The following CACNA1G variants were observed in gnomAD, a reference collection of about 807,000 sequenced individuals.
CACNA1G encodes the protein calcium voltage-gated channel subunit alpha1 G.
Under a neutral mutation model 219.4 loss-of-function variants are expected in CACNA1G, and 67 were observed. The ratio of observed to expected loss-of-function variants is 0.31; its 90% CI spans 0.25 to 0.37. The LOEUF (loss-of-function observed/expected upper bound fraction) is 0.37, where lower values mean the gene tolerates loss of function less well. CACNA1G is among the 10% of genes least tolerant of loss of function. The pLI, the probability that CACNA1G is intolerant of heterozygous loss-of-function variation, is 1.00. For missense variants in CACNA1G, 2,380 were observed against 3,231.4 expected, an observed-to-expected ratio of 0.74 and a Z score of 6.39; for synonymous variants, 1,296 against 1,345.3, an observed-to-expected ratio of 0.96 and a Z score of 0.80.
chr17:50,609,286 A>T (rs920659628), intron 25 of CACNA1G, among the ~76,000 whole-genome samples: 7 of 152,024 alleles, frequency 4.6e-5, no homozygotes, highest in Non-Finnish European at 1.0e-4. Flanking sequence ...CTGCTCCAGG[A>T]TGTGGGGGAG....
At chr17:50,607,095 G>A in intron 24 of CACNA1G, 106 bp downstream of exon 24, 1 of 882,696 alleles carries the variant, frequency 1.1e-6, no homozygotes, top group Non-Finnish European at 1.9e-6. Context: ...CATGAAAGAA[G>A]CATCATATTT....
At chr17:50,595,484 C>G (rs1043831993) in intron 14 of CACNA1G, among the ~76,000 whole-genome samples, 1 of 152,282 alleles carries the variant, frequency 6.6e-6, no homozygotes, top group African/African-American at 2.4e-5. Flanking sequence ...CCCTTCACCC[C>G]TTGCCCCAGG....
In CACNA1G at chr17:50,618,990, T is replaced by C. The variant is rs1404581971; in HGVS notation, c.5763T>C (p.Phe1921=). 2.0e-6 allele frequency: 3 copies of C among 1,532,870 alleles called. No homozygotes were observed. In the South Asian group the frequency reaches 3.8e-5, roughly 20 times the overall value. The allele number at this position is 1,532,870 out of a possible 1,614,324, so 95.0% of individuals were successfully genotyped here. Residue 1921 remains phenylalanine, a synonymous_variant, in exon 33 of 38, where the codon TTT becomes TTC. Transcript: ENST00000359106. This position sits in a 1 kb window ranked among gnomAD's most constrained non-coding sequence, Gnocchi z 5.3. ...PAAHARSASH[F]SLEHPTDRQL... ...CCCACGCGAGATCAGCCTCCCACTT[T>C]TCCCTGGAGCACCCCACGGTGAGCA...
chr17:50,599,428 C>A lies in CACNA1G; in HGVS notation c.3259C>A (p.Pro1087Thr). ...PGAAHEMKSPPSARSSPHSPW... is the reference protein window; with the variant it reads ...PGAAHEMKSPTSARSSPHSPW... ...CCACTCCTCCCCTGCTCACCCACAGCCCAGCGCCCGCAGCTCTCCGCACAG... is the reference window on the plus strand; with the variant it reads ...CCACTCCTCCCCTGCTCACCCACAGACCAGCGCCCGCAGCTCTCCGCACAG... The change falls in exon 17 of 38, where the codon CCC becomes ACC. Residue 1087 changes from proline (P) to threonine (T), a missense_variant and splice_region_variant. Around this residue, in one of 17 missense-constraint regions of CACNA1G, gnomAD observed 418 missense variants for 434.3 expected, o/e 0.96. Transcript: ENST00000359106. 2 of 1,540,862 alleles carry A rather than the reference C, an allele frequency of 1.3e-6. No individual in the cohort carries two copies. The highest frequency in any genetic ancestry group is 2.3e-4 in the Middle Eastern group (1 of 4,362).
rs1286780982 is a variant in CACNA1G, at chr17:50,617,678, A to G, written c.5155+107A>G. The stretch of plus-strand genomic sequence containing the variant: ...AAGGCCTGGGCGGCTGTGGGTTCCC[A>G]TGGGTCTTTCTCCCAGCTTCTGCCA... On this transcript the variant is annotated intron_variant, in intron 29 of 37. Transcript: ENST00000359106. The surrounding 1 kb of genome is among the most constrained non-coding windows in gnomAD (Gnocchi z 5.8). 6 of 1,474,030 alleles carry G rather than the reference A, an allele frequency of 4.1e-6. No individual in the cohort carries two copies. The African/African-American group carries it at 8.4e-5, about 21-fold the overall frequency. 91.3% of individuals were successfully genotyped at this position (1,474,030 alleles called of 1,614,324 possible).
chr17:50,569,180 A>T lies in CACNA1G; in HGVS notation c.370A>T (p.Ile124Phe). Residue 124 changes from isoleucine (I) to phenylalanine (F), a missense_variant, in exon 3 of 38, where the codon ATC (isoleucine) becomes TTC (phenylalanine). Physicochemically the swap from Ile to Phe is conservative, Grantham distance 21. This residue lies in a region of CACNA1G where 64 missense variants were observed against 103.7 expected (regional missense o/e 0.62). Coordinates refer to ENST00000359106, the MANE Select transcript of CACNA1G (RefSeq NM_018896.5). ...CCCACATCAGGCCTTTGATGACTTC[A>T]TCTTTGCCTTCTTTGCCGTGGAGAT... ...CRILQAFDDF[I>F]FAFFAVEMVV... 6.2e-7 allele frequency: 1 copy of T among 1,613,776 alleles called. No homozygotes were observed. Among genetic ancestry groups the T allele is most frequent in the Non-Finnish European group, 8.5e-7 (1 of 1,179,816 alleles).
At position 50,603,914 on chromosome 17, in the gene CACNA1G, G is replaced by T. The variant is rs1282962512; in HGVS notation, c.4170-241G>T. On this transcript the variant is annotated intron_variant, in intron 21 of 37. Coordinates refer to ENST00000359106, the MANE Select transcript of CACNA1G (RefSeq NM_018896.5). The surrounding 1 kb of genome is among the most constrained non-coding windows in gnomAD (Gnocchi z 6.4). ...TCCCCACTCCCAACCCAAACAGGTCGTACATTTGACATCCTGGGATGGAGG... is the reference window on the plus strand; with the variant it reads ...TCCCCACTCCCAACCCAAACAGGTCTTACATTTGACATCCTGGGATGGAGG... Among the ~76,000 whole-genome samples the T allele has an allele frequency of 6.6e-6, 1 of 152,098 alleles. No homozygotes were observed. The highest frequency in any genetic ancestry group is 1.5e-5 in the Non-Finnish European group (1 of 68,022).
In CACNA1G at chr17:50,601,094, G is replaced by T; in HGVS notation, c.3835G>T (p.Asp1279Tyr). 1.2e-6 allele frequency: 2 copies of T among 1,613,908 alleles called. No homozygotes were observed. The highest frequency in any genetic ancestry group is 1.7e-6 in the Non-Finnish European group (2 of 1,179,850). The stretch of plus-strand genomic sequence containing the variant: ...CCGGATCATCACCCACAAGATGTTC[G>T]ACCACGTGGTCCTTGTCATCATCTT... ...CHRIITHKMF[D>Y]HVVLVIIFLN... The change falls in exon 19 of 38, where the codon GAC becomes TAC. Residue 1279 changes from aspartate (D) to tyrosine (Y), a missense_variant. This residue lies in a region of CACNA1G where 153 missense variants were observed against 374.9 expected (regional missense o/e 0.41). Coordinates refer to ENST00000359106, the MANE Select transcript of CACNA1G (RefSeq NM_018896.5).
rs377313050 is a variant in CACNA1G, at chr17:50,579,341, G to T, written c.2301+777G>T. Among the ~76,000 whole-genome samples, 15 of 152,228 alleles carry T rather than the reference G, an allele frequency of 9.9e-5. 4 individuals are homozygous for T. The highest frequency in any genetic ancestry group is 3.6e-4 in the African/African-American group (15 of 41,540). On this transcript the variant is annotated intron_variant, in intron 9 of 37. Transcript: ENST00000359106. ...TACAAGCAATAGGATCTGGGCTGAG[G>T]GGGAGGAGGCTTTTCTAACCCTCAG...
intron 9 of CACNA1G, among the ~76,000 whole-genome samples, chr17:50,590,074 G>A (rs993667560): frequency 3.3e-5 from 5 of 152,116 alleles, no homozygotes; most frequent in Admixed American, 6.5e-5. Context: ...AGGCCTTGGC[G>A]ATCGCCCTCT....
Position 50,603,336 on chromosome 17 carries a change from C to A in CACNA1G, c.4169+137C>A. 1 of 707,440 alleles carries A rather than the reference C, an allele frequency of 1.4e-6. No individual in the cohort carries two copies. Among genetic ancestry groups the A allele is most frequent in the Non-Finnish European group, 2.3e-6 (1 of 428,346 alleles). 43.8% of individuals were successfully genotyped at this position (707,440 alleles called of 1,614,324 possible). A position where few individuals can be genotyped will look rare whatever the true frequency, so the allele number is the denominator to read the frequency against. On this transcript the variant is annotated intron_variant, in intron 21 of 37. Coordinates refer to ENST00000359106, the MANE Select transcript of CACNA1G (RefSeq NM_018896.5). The surrounding 1 kb of genome is among the most constrained non-coding windows in gnomAD (Gnocchi z 6.4). ...CCTGTCTGTGACCCCCACAGGCGAT[C>A]CTGTCCCCGCCCCAGACAACACTCA...
In CACNA1G at chr17:50,623,863, C is replaced by T. The variant is rs529746867; in HGVS notation, c.6061-44C>T. 35 of 1,582,950 alleles carry T rather than the reference C, an allele frequency of 2.2e-5. No homozygotes were observed. The East Asian group carries it at 4.5e-4, about 21-fold the overall frequency. On this transcript the variant is annotated intron_variant, in intron 35 of 37. Coordinates refer to ENST00000359106, the MANE Select transcript of CACNA1G (RefSeq NM_018896.5). Reference sequence around the variant, plus strand: ...AGCGCTGCCTCAGTTACCAAACCCACGCACACCCTCTTCCTCCACCTCCCT... The same window carrying T: ...AGCGCTGCCTCAGTTACCAAACCCATGCACACCCTCTTCCTCCACCTCCCT...
chr17:50,602,777 G>A (rs1446692193), intron 19 of CACNA1G, 43 bp from the exon 20 acceptor site: 3 of 1,585,656 alleles, frequency 1.9e-6, no homozygotes, highest in South Asian at 2.2e-5. Flanking sequence ...GCCCAAGGGT[G>A]GGGGCTTCCT....
At position 50,571,071 on chromosome 17, in the gene CACNA1G, A is replaced by C. The variant is rs1049073393; in HGVS notation, c.587-807A>C. ...TGGGTTCTAGACCTGGAGTACGGAGAGAGGGAAGTAACCCTAACAGGGCTT... is the reference window on the plus strand; with the variant it reads ...TGGGTTCTAGACCTGGAGTACGGAGCGAGGGAAGTAACCCTAACAGGGCTT... On this transcript the variant is annotated intron_variant, in intron 4 of 37. Coordinates refer to ENST00000359106, the MANE Select transcript of CACNA1G (RefSeq NM_018896.5). This position sits in a 1 kb window ranked among gnomAD's most constrained non-coding sequence, Gnocchi z 4.3. 1.3e-5 allele frequency among the ~76,000 whole-genome samples: 2 copies of C among 152,076 alleles called. No individual in the cohort carries two copies. Among genetic ancestry groups the C allele is most frequent in the Non-Finnish European group, 2.9e-5 (2 of 68,026 alleles).
At chr17:50,590,954 G>T (rs566213770) in intron 10 of CACNA1G, among the ~76,000 whole-genome samples, 3 of 152,280 alleles carry the variant, frequency 2.0e-5, no homozygotes, top group South Asian at 4.1e-4. Flanking sequence ...CTTTAGAGGA[G>T]TTGGAAGAGG....
At position 50,596,957 on chromosome 17, in the gene CACNA1G, A is replaced by C. The variant is rs2045684368; in HGVS notation, c.3258+34A>C. 1 of 1,482,650 alleles carries C rather than the reference A, an allele frequency of 6.7e-7. No individual in the cohort carries two copies. Among genetic ancestry groups the C allele is most frequent in the Non-Finnish European group, 9.0e-7 (1 of 1,109,834 alleles). 91.8% of individuals were successfully genotyped at this position (1,482,650 alleles called of 1,614,324 possible). On this transcript the variant is annotated intron_variant, in intron 16 of 37. Transcript: ENST00000359106. This position sits in a 1 kb window ranked among gnomAD's most constrained non-coding sequence, Gnocchi z 4.8. ...TGCATGTGGGTACCCTGATGGTGGGAGATATTCCAAGGAGGACAGGAGGAA... is the reference window on the plus strand; with the variant it reads ...TGCATGTGGGTACCCTGATGGTGGGCGATATTCCAAGGAGGACAGGAGGAA...
chr17:50,590,908 C>T (rs1229280868), intron 10 of CACNA1G, among the ~76,000 whole-genome samples: 1 of 152,128 alleles, frequency 6.6e-6, no homozygotes, highest in South Asian at 2.1e-4. Flanking sequence ...TGTCCTTGAC[C>T]CCACCCAGGC....
At chr17:50,599,144 G>C (rs1395744051) in intron 16 of CACNA1G, among the ~76,000 whole-genome samples, 1 of 152,206 alleles carries the variant, frequency 6.6e-6, no homozygotes, top group African/African-American at 2.4e-5. Flanking sequence ...CCACTCAGCT[G>C]ATGATAACAC....
Position 50,600,914 on chromosome 17 carries a change from AAGTGG to A in CACNA1G, c.3791+89_3791+93del. ...CTGGTGATGCTGTCAGGGATTTGAG[AAGTGG>A]CACCCTGCCTGGGGTGTGAGCAGGG... On this transcript the variant is annotated intron_variant, in intron 18 of 37. Transcript: ENST00000359106. This position sits in a 1 kb window ranked among gnomAD's most constrained non-coding sequence, Gnocchi z 4.1. The A allele has an allele frequency of 6.4e-7, 1 of 1,563,666 alleles. No individual in the cohort carries two copies. Among genetic ancestry groups the A allele is most frequent in the Non-Finnish European group, 8.8e-7 (1 of 1,137,964 alleles).
Sources: allele counts gnomAD v4.1 joint callset (sites outside exome capture counted in the v4.1 genomes callset), GRCh38; gene constraint gnomAD v4.1.1; regional missense constraint gnomAD v4.1.1; non-coding constraint Gnocchi (gnomAD v3.1); transcripts MANE v1.5; gene names NCBI Gene and HGNC (gene_info 2026-07-23, HGNC 2026-07-21).